Variants in MCTP2 observed in about 807,000 individuals in gnomAD.
The protein encoded by MCTP2 is multiple C2 and transmembrane domain containing 2.
Under a neutral mutation model 111.6 loss-of-function variants are expected in MCTP2, and 132 were observed. That is an observed-to-expected ratio of 1.18 (90% CI 1.03 to 1.37). The LOEUF is 1.37. MCTP2 is among the 40% of genes most tolerant of loss of function. The pLI is 0.00. For missense variants in MCTP2, 1,183 were observed against 1,067.9 expected, an observed-to-expected ratio of 1.11 and a Z score of -1.50; for synonymous variants, 395 against 387.7, an observed-to-expected ratio of 1.02 and a Z score of -0.22.
chr15:94,254,482 T>C (rs1328315527), intron 1 of MCTP2, among the ~76,000 whole-genome samples: 1 of 152,206 alleles, frequency 6.6e-6, no homozygotes. Context: ...CTGTTAACAT[T>C]TGTGAGGAAT....
chr15:94,448,884 T>C (rs1474472565), intron 19 of MCTP2, among the ~76,000 whole-genome samples: 1 of 152,098 alleles, frequency 6.6e-6, no homozygotes, highest in Non-Finnish European at 1.5e-5. Flanking sequence ...CTACTAAAAA[T>C]ACAAAAATTA....
At chr15:94,346,520 C>G (rs1280416783) in intron 8 of MCTP2, among the ~76,000 whole-genome samples, 1 of 152,164 alleles carries the variant, frequency 6.6e-6, no homozygotes, top group Non-Finnish European at 1.5e-5. Context: ...GTTTCTGTAA[C>G]CACCCAAAGC....
At chr15:94,443,745 AT>A (rs1402546845) in intron 19 of MCTP2, among the ~76,000 whole-genome samples, 2 of 152,146 alleles carry the variant, frequency 1.3e-5, no homozygotes, top group Non-Finnish European at 2.9e-5. Context: ...TTTGAAGCAA[AT>A]GGGGTGGATT....
At chr15:94,273,411 A>G (rs2074017897) in intron 1 of MCTP2, 1 of 152,302 alleles carries the variant, frequency 6.6e-6, no homozygotes, top group Non-Finnish European at 1.5e-5. Context: ...ATCCCCATAT[A>G]GAAATTAAGC....
intron 19 of MCTP2, among the ~76,000 whole-genome samples, chr15:94,445,262 G>A (rs2152514765): frequency 6.6e-6 from 1 of 152,274 alleles, no homozygotes; most frequent in Admixed American, 6.5e-5. Context: ...CTTCCCTCCA[G>A]AGAAAGTTTA....
intron 12 of MCTP2, among the ~76,000 whole-genome samples, chr15:94,378,447 C>T (rs1344169011): frequency 6.6e-6 from 1 of 151,980 alleles, no homozygotes; most frequent in Non-Finnish European, 1.5e-5. Flanking sequence ...TGCTTGAGCC[C>T]AGGAATTCAA....
intron 14 of MCTP2, among the ~76,000 whole-genome samples, chr15:94,397,175 T>C (rs2152470687): frequency 6.6e-6 from 1 of 152,332 alleles, no homozygotes; most frequent in South Asian, 2.1e-4. Flanking sequence ...ATGGGTTTAA[T>C]TCTATCTCAG....
At chr15:94,290,257 C>A (rs2074972364) in intron 1 of MCTP2, among the ~76,000 whole-genome samples, 1 of 152,086 alleles carries the variant, frequency 6.6e-6, no homozygotes. Context: ...TTTTAAGCCA[C>A]TAATTTTTTC....
At chr15:94,361,671 A>T (rs2078951360) in intron 10 of MCTP2, among the ~76,000 whole-genome samples, 1 of 152,226 alleles carries the variant, frequency 6.6e-6, no homozygotes, top group African/African-American at 2.4e-5. Context: ...AAAATAAGAT[A>T]TGACTAGTAA....
Position 94,277,641 on chromosome 15 carries a change from A to C in MCTP2, c.-65-20560A>C, listed in dbSNP as rs150608708. 4.4e-3 allele frequency among the ~76,000 whole-genome samples: 666 copies of C among 152,284 alleles called. 8 individuals carry two copies. The highest frequency in any genetic ancestry group is 0.015 in the African/African-American group (636 of 41,566). On this transcript the variant is annotated intron_variant, in intron 1 of 22. Coordinates refer to ENST00000357742, the MANE Select transcript of MCTP2 (RefSeq NM_001385001.1). Reference sequence around the variant, plus strand: ...GACAGAACTATAGAGACTATAATGCAATCACTGGCTACCAGAGGTTCAGGG... The same window carrying C: ...GACAGAACTATAGAGACTATAATGCCATCACTGGCTACCAGAGGTTCAGGG...
At chr15:94,317,878 G>GT (rs1034174583) in intron 4 of MCTP2, among the ~76,000 whole-genome samples, 6 of 151,788 alleles carry the variant, frequency 4.0e-5, no homozygotes, top group Admixed American at 6.6e-5. Flanking sequence ...TTGGTAAATA[G>GT]TTTTTTTTAA....
intron 17 of MCTP2, among the ~76,000 whole-genome samples, chr15:94,414,273 A>G (rs11074275): frequency 0.65 from 99,335 of 151,954 alleles, 33,702 homozygotes; most frequent in African/African-American, 0.83. Flanking sequence ...TTTTTATGAT[A>G]TAATAGAAGA....
chr15:94,430,393 T>A (rs1322507573), intron 17 of MCTP2, among the ~76,000 whole-genome samples: 12 of 107,188 alleles, frequency 1.1e-4, no homozygotes, highest in South Asian at 3.9e-4. Flanking sequence ...CCAAAAACAA[T>A]CACACACACA....
intron 1 of MCTP2, among the ~76,000 whole-genome samples, chr15:94,275,373 C>T (rs2074136215): frequency 6.6e-6 from 1 of 151,828 alleles, no homozygotes; most frequent in Admixed American, 6.6e-5. Flanking sequence ...AAATAGTTAC[C>T]AAAAATGTGT....
At chr15:94,246,258 C>G (rs1015551183) in intron 1 of MCTP2, among the ~76,000 whole-genome samples, 1 of 152,130 alleles carries the variant, frequency 6.6e-6, no homozygotes. Flanking sequence ...GTATTTGGAG[C>G]TGAGCCAATG....
intron 1 of MCTP2, among the ~76,000 whole-genome samples, chr15:94,250,035 A>G (rs1199992629): frequency 6.6e-6 from 1 of 152,138 alleles, no homozygotes; most frequent in Admixed American, 6.5e-5. Flanking sequence ...ATCAGCCATC[A>G]GTGATTTTTT....
intron 1 of MCTP2, among the ~76,000 whole-genome samples, chr15:94,297,418 A>G (rs2075323598): frequency 6.6e-6 from 1 of 152,158 alleles, no homozygotes. Flanking sequence ...GGGCTTCATT[A>G]TGGGAATTTT....
At chr15:94,475,631 A>G (rs1036115817) in intron 21 of MCTP2, among the ~76,000 whole-genome samples, 2 of 152,184 alleles carry the variant, frequency 1.3e-5, no homozygotes, top group Non-Finnish European at 2.9e-5. Flanking sequence ...TCCTTGTTAA[A>G]CAAGCACCCT....
At chr15:94,239,484 T>C (rs1261713530) in intron 1 of MCTP2, among the ~76,000 whole-genome samples, 1 of 152,224 alleles carries the variant, frequency 6.6e-6, no homozygotes, top group Non-Finnish European at 1.5e-5. Flanking sequence ...GAAGACTTCT[T>C]GTTTGTTGTT....
Sources: allele counts gnomAD v4.1 joint callset (sites outside exome capture counted in the v4.1 genomes callset), GRCh38; gene constraint gnomAD v4.1.1; transcripts MANE v1.5; gene names NCBI Gene and HGNC (gene_info 2026-07-23, HGNC 2026-07-21).